The following MYRF variants were observed in gnomAD, a reference collection of about 807,000 sequenced individuals.
MYRF encodes the protein myelin regulatory factor.
Under a neutral mutation model 126.3 loss-of-function variants are expected in MYRF, and 16 were observed. The observed-to-expected ratio is 0.13, with a 90% CI of 0.09 to 0.19. MYRF has a LOEUF of 0.19. Ranked by LOEUF, MYRF falls within the 10% of genes least tolerant of loss-of-function variation. The pLI, the probability that MYRF is intolerant of heterozygous loss-of-function variation, is 1.00. For missense variants in MYRF, 1,104 were observed against 1,547.0 expected (o/e 0.71, Z 4.80); for synonymous variants, 608 against 635.3 (o/e 0.96, Z 0.65).
intron 8 of MYRF, among the ~76,000 whole-genome samples, chr11:61,775,041 G>A (rs147042121): frequency 9.9e-5 from 15 of 152,258 alleles, no homozygotes; most frequent in Non-Finnish European, 2.1e-4. Context: ...ACCTCATCAT[G>A]CATCTGGCCT....
At chr11:61,758,069 C>T (rs2065806259) in intron 1 of MYRF, among the ~76,000 whole-genome samples, 1 of 147,460 alleles carries the variant, frequency 6.8e-6, no homozygotes. Flanking sequence ...AGTTAGATCC[C>T]ACGAGTGCCA....
At chr11:61,761,756 T>G (rs2065907029) in intron 1 of MYRF, among the ~76,000 whole-genome samples, 1 of 152,270 alleles carries the variant, frequency 6.6e-6, no homozygotes, top group South Asian at 2.1e-4. Context: ...CTGTAAGCTA[T>G]GGGCACATGC....
rs1238050609 is a variant in MYRF at position 61,770,545 on chromosome 11, C to T, written c.740+20C>T. 4.6e-6 allele frequency: 7 copies of T among 1,536,190 alleles called. No individual in the cohort carries two copies. The highest frequency in any genetic ancestry group is 5.3e-6 in the Non-Finnish European group (6 of 1,137,786). ...AGCTGAGTAAGACGTGGGTGGCTGG[C>T]TCCATGGGGTGGGAAGGTGGGGTAC... On this transcript the variant is annotated intron_variant, in intron 5 of 26. Transcript: ENST00000278836.
In MYRF at chr11:61,776,749, C is replaced by T. The variant is rs1355591842; in HGVS notation, c.1500-38C>T. ...GAAAGGGTGGCCCTGGGGGCGGGGG[C>T]AGGCCATGAGTACTTCTGAGACCCC... On this transcript the variant is annotated intron_variant, in intron 10 of 26. Transcript: ENST00000278836. The surrounding 1 kb of genome is among the most constrained non-coding windows in gnomAD (Gnocchi z 4.3). The T allele has an allele frequency of 6.7e-7, 1 of 1,501,056 alleles. No homozygotes were observed. The highest frequency in any genetic ancestry group is 9.1e-7 in the Non-Finnish European group (1 of 1,104,662). The allele number at this position is 1,501,056 out of a possible 1,614,324, so 93.0% of individuals were successfully genotyped here.
Position 61,779,284 on chromosome 11 carries a change from G to T in MYRF, c.2035G>T (p.Val679Leu). The T allele has an allele frequency of 6.5e-7, 1 of 1,545,982 alleles. No individual in the cohort carries two copies. Among genetic ancestry groups the T allele is most frequent in the Non-Finnish European group, 8.7e-7 (1 of 1,146,854 alleles). ...VNKERIFMEN[V>L]GAVKELCKLT... ...GCAGGAGCGCATCTTCATGGAGAAC[G>T]TAGGGGCCGTGAAGGAGCTGTGCAA... Residue 679 changes from valine (V) to leucine (L), a missense_variant, in exon 15 of 27, where the codon GTA (valine) becomes TTA (leucine). Around this residue, in one of 10 missense-constraint regions of MYRF, gnomAD observed 123 missense variants for 209.1 expected, o/e 0.59. Coordinates refer to ENST00000278836, the MANE Select transcript of MYRF (RefSeq NM_001127392.3).
intron 1 of MYRF, among the ~76,000 whole-genome samples, chr11:61,753,160 G>A (rs1298723931): frequency 2.6e-5 from 4 of 151,998 alleles, no homozygotes; most frequent in African/African-American, 7.3e-5. Flanking sequence ...AGAACCCCAA[G>A]CGGGATACAA....
intron 8 of MYRF, among the ~76,000 whole-genome samples, chr11:61,775,787 T>C (rs2066362274): frequency 7.2e-6 from 1 of 139,194 alleles, no homozygotes; most frequent in Non-Finnish European, 1.5e-5. Context: ...GGGGTGTGGG[T>C]GTTTGGGGAG....
chr11:61,762,551 A>C (rs2065927119), intron 1 of MYRF, among the ~76,000 whole-genome samples: 1 of 151,662 alleles, frequency 6.6e-6, no homozygotes, highest in Admixed American at 6.6e-5. Flanking sequence ...AGCAGTGGGG[A>C]GGGGCGCTCC....
At position 61,783,804 on chromosome 11, in the gene MYRF, G is replaced by C; in HGVS notation, c.3120-47G>C. On this transcript the variant is annotated intron_variant, in intron 23 of 26. Coordinates refer to ENST00000278836, the MANE Select transcript of MYRF (RefSeq NM_001127392.3). This position sits in a 1 kb window ranked among gnomAD's most constrained non-coding sequence, Gnocchi z 4.6. ...CTGAGGAGTCCCTGGTGGGGGTGGG[G>C]GGTGGCAGGGTACCCTCAGGCTAAG... 2 of 1,543,882 alleles carry C rather than the reference G, an allele frequency of 1.3e-6. No homozygotes were observed. The highest frequency in any genetic ancestry group is 1.8e-6 in the Non-Finnish European group (2 of 1,137,576).
At chr11:61,780,061 C>A in intron 17 of MYRF, 131 bp downstream of exon 17, 1 of 1,202,668 alleles carries the variant, frequency 8.3e-7, no homozygotes, top group East Asian at 2.5e-5. Flanking sequence ...GCTGAGGTCT[C>A]GGTGAGGTGG....
intron 8 of MYRF, among the ~76,000 whole-genome samples, chr11:61,774,793 GTGCCTCCT>G (rs1242113929): frequency 2.0e-5 from 3 of 150,976 alleles, no homozygotes; most frequent in Non-Finnish European, 3.0e-5. Context: ...CCCTGACTCT[GTGCCTCCT>G]TGCCTCCCTG....
intron 7 of MYRF, 100 bp from the exon 8 acceptor site, chr11:61,773,866 TG>T: frequency 1.1e-6 from 1 of 911,918 alleles, no homozygotes; most frequent in Non-Finnish European, 1.6e-6. Flanking sequence ...GATGCAGGGG[TG>T]TGGTGTGGGA....
Position 61,779,962 on chromosome 11 carries a change from G to C in MYRF, c.2336+32G>C, listed in dbSNP as rs747545977. ...TGTCCCCTGGGCTCTCATGGTGGCT[G>C]ACTAGGGGAGTGGAGCTGCCCAGTG... On this transcript the variant is annotated intron_variant, in intron 17 of 26. Coordinates refer to ENST00000278836, the MANE Select transcript of MYRF (RefSeq NM_001127392.3). The C allele has an allele frequency of 3.8e-6, 6 of 1,588,488 alleles. No individual in the cohort carries two copies. The East Asian group carries it at 1.4e-4, about 36-fold the overall frequency.
In MYRF at chr11:61,776,920, G is replaced by A; in HGVS notation, c.1590+43G>A. On this transcript the variant is annotated intron_variant, in intron 11 of 26. Transcript: ENST00000278836. This position sits in a 1 kb window ranked among gnomAD's most constrained non-coding sequence, Gnocchi z 4.3. The stretch of plus-strand genomic sequence containing the variant: ...CCAGGGCGTAGACAGCCCTCCCCAG[G>A]ACTGGGAGAAACAGCAAGCAGAAGT... The A allele has an allele frequency of 6.7e-7, 1 of 1,492,652 alleles. No individual in the cohort carries two copies. Among genetic ancestry groups the A allele is most frequent in the Non-Finnish European group, 9.1e-7 (1 of 1,104,118 alleles). 92.5% of individuals were successfully genotyped at this position (1,492,652 alleles called of 1,614,324 possible). A position where few individuals can be genotyped will look rare whatever the true frequency, so the allele number is the denominator to read the frequency against.
rs1361263242 is a variant in MYRF, at chr11:61,777,742, C to T, written c.1800C>T (p.Thr600=). The T allele has an allele frequency of 6.4e-7, 1 of 1,550,958 alleles. No individual in the cohort carries two copies. The highest frequency in any genetic ancestry group is 8.7e-7 in the Non-Finnish European group (1 of 1,146,452). ...GGCCTGGCTCCCCGCAGGTGGACAC[C>T]ACCGAGCAATTGAAGAGGATCTCGC... ...RAKEHVQEVD[T]TEQLKRISRM... is the part of the protein sequence containing the mutation. Residue 600 remains threonine (T), a synonymous_variant, in exon 13 of 27, where the codon ACC becomes ACT. Transcript: ENST00000278836. The surrounding 1 kb of genome is among the most constrained non-coding windows in gnomAD (Gnocchi z 8.8).
At chr11:61,775,435 C>T (rs1430410275) in intron 8 of MYRF, among the ~76,000 whole-genome samples, 1 of 152,236 alleles carries the variant, frequency 6.6e-6, no homozygotes, top group African/African-American at 2.4e-5. Context: ...GGCCCCTCCC[C>T]TAAGACCCAT....
At chr11:61,762,349 T>C (rs1209699784) in intron 1 of MYRF, among the ~76,000 whole-genome samples, 1 of 152,150 alleles carries the variant, frequency 6.6e-6, no homozygotes, top group African/African-American at 2.4e-5. Flanking sequence ...ACAGAGATGC[T>C]GGTTTGTGAG....
intron 8 of MYRF, 83 bp from the exon 9 acceptor site, chr11:61,775,973 C>T (rs1194255435): frequency 2.2e-6 from 3 of 1,348,736 alleles, no homozygotes; most frequent in Non-Finnish European, 3.2e-6. Context: ...TCTAGTTGGG[C>T]CAGGCCTGGC....
In MYRF at chr11:61,776,763, T is replaced by G; in HGVS notation, c.1500-24T>G. ...GGGGGCGGGGGCAGGCCATGAGTAC[T>G]TCTGAGACCCCTGTGTGTCCCAGGT... On this transcript the variant is annotated intron_variant, in intron 10 of 26. Coordinates refer to ENST00000278836, the MANE Select transcript of MYRF (RefSeq NM_001127392.3). This position sits in a 1 kb window ranked among gnomAD's most constrained non-coding sequence, Gnocchi z 4.3. 6.4e-7 allele frequency: 1 copy of G among 1,564,092 alleles called. No homozygotes were observed. The highest frequency in any genetic ancestry group is 1.2e-5 in the South Asian group (1 of 84,894).
Sources: gnomAD v4.1 joint callset for allele counts (sites outside exome capture counted in the v4.1 genomes callset) on GRCh38, gnomAD v4.1.1 for gene constraint, gnomAD v4.1.1 regional missense constraint, Gnocchi (gnomAD v3.1) non-coding constraint, MANE v1.5 for transcripts, NCBI Gene and HGNC (gene_info 2026-07-23, HGNC 2026-07-21) for gene names.